GGCT: variants seen among roughly 807,000 people sequenced by gnomAD.
GGCT encodes cytochrome c-releasing factor 21.
In GGCT, 20 loss-of-function variants were observed where a neutral mutation model predicts 22.1. The ratio of observed to expected loss-of-function variants is 0.91; its 90% CI spans 0.64 to 1.32. The LOEUF is 1.32. Ranked by LOEUF, GGCT falls within the 40% of genes most tolerant of loss-of-function variation. The pLI, the probability that GGCT is intolerant of heterozygous loss-of-function variation, is 0.00. For synonymous variants in GGCT, 72 were observed against 78.4 expected, an observed-to-expected ratio of 0.92 and a Z score of 0.43; for missense variants, 209 against 223.5, an observed-to-expected ratio of 0.94 and a Z score of 0.41.
rs567065063 is a variant in GGCT, at chr7:30,504,820, G to A, written c.-111C>T. 5.4e-6 allele frequency: 6 copies of A among 1,106,352 alleles called. No individual in the cohort carries two copies. The highest frequency in any genetic ancestry group is 8.0e-6 in the Non-Finnish European group (6 of 745,672). 68.5% of individuals were successfully genotyped at this position (1,106,352 alleles called of 1,614,324 possible). A position where few individuals can be genotyped will look rare whatever the true frequency, so the allele number is the denominator to read the frequency against. On this transcript the variant is annotated 5_prime_UTR_variant, in exon 1 of 4. Coordinates refer to ENST00000275428, the MANE Select transcript of GGCT (RefSeq NM_024051.4). ...CAGTGACCGCCGCGCGGCAGCCTCA[G>A]GGTTAGGGGACTGGCGGGAAGCGTG...
chr7:30,498,711 G>T (rs552899410), intron 3 of GGCT, 92 bp downstream of exon 3: 6 of 1,163,802 alleles, frequency 5.2e-6, no homozygotes, highest in Non-Finnish European at 6.2e-6. Context: ...GAGCCACCAC[G>T]TTGGGCCTAA....
rs374064472 is a variant in GGCT, at chr7:30,504,741, G to A, written c.-32C>T. The A allele has an allele frequency of 1.8e-5, 29 of 1,612,004 alleles. No individual in the cohort carries two copies. The Middle Eastern group carries it at 4.9e-4, about 27-fold the overall frequency. ...CTACGCCCCTGCACTGGAGCCTGAA[G>A]CAGAGTGTAAGGAACGGCCAGAGAG... On this transcript the variant is annotated 5_prime_UTR_variant, in exon 1 of 4. Coordinates refer to ENST00000275428, the MANE Select transcript of GGCT (RefSeq NM_024051.4).
intron 1 of GGCT, among the ~76,000 whole-genome samples, chr7:30,504,148 A>G (rs4260): frequency 6.6e-6 from 1 of 152,106 alleles, no homozygotes; most frequent in Non-Finnish European, 1.5e-5. Context: ...TTAGATGAGG[A>G]GCGAAAGGCA....
At position 30,499,218 on chromosome 7, in the gene GGCT, G is replaced by A. The variant is rs1484803925; in HGVS notation, c.288-280C>T. On this transcript the variant is annotated intron_variant, in intron 2 of 3. Coordinates refer to ENST00000275428, the MANE Select transcript of GGCT (RefSeq NM_024051.4). The stretch of plus-strand genomic sequence containing the variant: ...AGGTCAGGAGTTCAAGACCAGCCTG[G>A]CCAACATGGTGAAACGCCATCTCCA... Among the ~76,000 whole-genome samples the A allele has an allele frequency of 1.3e-5, 2 of 151,318 alleles. 1 individual carries two copies. The highest frequency in any genetic ancestry group is 1.3e-4 in the Admixed American group (2 of 15,162).
At chr7:30,504,148 A>C (rs4260) in intron 1 of GGCT, among the ~76,000 whole-genome samples, 100,299 of 152,176 alleles carry the variant, frequency 0.66, 33,499 homozygotes, top group Middle Eastern at 0.72. Context: ...TTAGATGAGG[A>C]GCGAAAGGCA....
At chr7:30,503,729 C>T (rs1789755827) in intron 1 of GGCT, among the ~76,000 whole-genome samples, 1 of 149,512 alleles carries the variant, frequency 6.7e-6, no homozygotes, top group Non-Finnish European at 1.5e-5. Flanking sequence ...CAGCTTTGTA[C>T]TCCTGCCTTC....
chr7:30,501,962 G>A (rs1190761581), intron 1 of GGCT, among the ~76,000 whole-genome samples: 1 of 152,216 alleles, frequency 6.6e-6, no homozygotes, highest in East Asian at 1.9e-4. Context: ...AACTGGTTGT[G>A]TATTGCTAAA....
chr7:30,504,434 G>A (rs1057125433), intron 1 of GGCT, 135 bp downstream of exon 1: 2 of 1,024,148 alleles, frequency 2.0e-6, no homozygotes, highest in Non-Finnish European at 2.8e-6. Context: ...GACCCGCCCA[G>A]GAGGCGGAAG....
intron 3 of GGCT, chr7:30,497,725 C>A: frequency 7.4e-7 from 1 of 1,344,868 alleles, no homozygotes; most frequent in Non-Finnish European, 9.7e-7. Flanking sequence ...CAAACGAGGC[C>A]TAGGAACCAG....
chr7:30,503,092 G>A (rs1008276986), intron 1 of GGCT, among the ~76,000 whole-genome samples: 4 of 151,928 alleles, frequency 2.6e-5, no homozygotes, highest in Non-Finnish European at 5.9e-5. Context: ...TCCCTGTTTT[G>A]TGTGCTCCCC....
At position 30,504,817 on chromosome 7, in the gene GGCT, T is replaced by A; in HGVS notation, c.-108A>T. 8.5e-7 allele frequency: 1 copy of A among 1,173,204 alleles called. No individual in the cohort carries two copies. The highest frequency in any genetic ancestry group is 1.2e-6 in the Non-Finnish European group (1 of 800,056). The allele number at this position is 1,173,204 out of a possible 1,614,324, so 72.7% of individuals were successfully genotyped here. On this transcript the variant is annotated 5_prime_UTR_variant, in exon 1 of 4. Coordinates refer to ENST00000275428, the MANE Select transcript of GGCT (RefSeq NM_024051.4). The stretch of plus-strand genomic sequence containing the variant: ...GCGCAGTGACCGCCGCGCGGCAGCC[T>A]CAGGGTTAGGGGACTGGCGGGAAGC...
At chr7:30,498,229 C>A (rs1789605864) in intron 3 of GGCT, among the ~76,000 whole-genome samples, 1 of 151,096 alleles carries the variant, frequency 6.6e-6, no homozygotes, top group Non-Finnish European at 1.5e-5. Flanking sequence ...GGAGAAAATA[C>A]ATGTCTAGAA....
At chr7:30,498,660 C>G (rs540448727) in intron 3 of GGCT, 143 bp downstream of exon 3, 1 of 709,214 alleles carries the variant, frequency 1.4e-6, no homozygotes, top group Admixed American at 2.5e-5. Flanking sequence ...TTCAGGTGAT[C>G]TGCCCGCCCC....
intron 1 of GGCT, among the ~76,000 whole-genome samples, chr7:30,502,863 C>A (rs1191230626): frequency 6.6e-6 from 1 of 151,146 alleles, no homozygotes; most frequent in Non-Finnish European, 1.5e-5. Context: ...TCCTTCAAAT[C>A]TATTTTCCAT....
chr7:30,496,909 TG>T lies in GGCT; in HGVS notation c.*182del, dbSNP rs1382254711. The T allele has an allele frequency of 2.4e-6, 1 of 414,148 alleles. No homozygotes were observed. The highest frequency in any genetic ancestry group is 4.3e-6 in the Non-Finnish European group (1 of 235,272). The allele number at this position is 414,148 out of a possible 1,614,324, so 25.7% of individuals were successfully genotyped here. On this transcript the variant is annotated 3_prime_UTR_variant, in exon 4 of 4. Transcript: ENST00000275428. ...AGGCCCTCATACACCCCTTTTAAAT[TG>T]TCTAACTCCTATCCCAGTTTCTTTT...
intron 3 of GGCT, among the ~76,000 whole-genome samples, chr7:30,498,415 T>G (rs1789611607): frequency 1.3e-5 from 2 of 152,164 alleles, no homozygotes; most frequent in African/African-American, 2.4e-5. Context: ...ATACAAAACC[T>G]TTTATTTCTT....
intron 3 of GGCT, chr7:30,497,771 T>G: frequency 1.4e-5 from 20 of 1,450,220 alleles, no homozygotes; most frequent in Non-Finnish European, 1.8e-5. Flanking sequence ...TGATTGGGCC[T>G]GCCAACAGAG....
At chr7:30,498,036 CATATACATAT>C (rs1237056205) in intron 3 of GGCT, 14 of 155,430 alleles carry the variant, frequency 9.0e-5, no homozygotes, top group African/African-American at 3.1e-4. Flanking sequence ...TACACACACA[CATATACATAT>C]ATATACATAT....
At chr7:30,498,753 C>T in intron 3 of GGCT, 50 bp downstream of exon 3, 1 of 1,506,406 alleles carries the variant, frequency 6.6e-7, no homozygotes, top group East Asian at 2.3e-5. Context: ...TCTTTAGTTT[C>T]TCTCAGTGAA....
Sources: gnomAD v4.1 joint callset for allele counts (sites outside exome capture counted in the v4.1 genomes callset) on GRCh38, gnomAD v4.1.1 for gene constraint, MANE v1.5 for transcripts, NCBI Gene and HGNC (gene_info 2026-07-23, HGNC 2026-07-21) for gene names.